CDH1: variants seen among roughly 807,000 people sequenced by gnomAD.
CDH1 encodes cadherin-1.
CDH1 carries 35 observed loss-of-function variants against 84.5 expected under a neutral mutation model. The ratio of observed to expected loss-of-function variants is 0.41; its 90% CI spans 0.32 to 0.55. The LOEUF (loss-of-function observed/expected upper bound fraction) is 0.55, where lower values mean the gene tolerates loss of function less well. Among genes scored for constraint, CDH1 ranks in the 20% least tolerant of loss-of-function variants. CDH1 has a pLI of 0.19. For missense variants in CDH1, 994 were observed against 1,126.6 expected (o/e 0.88, Z 1.68); for synonymous variants, 417 against 439.0 (o/e 0.95, Z 0.63).
At chr16:68,828,996 A>T (rs1236278246) in intron 14 of CDH1, among the ~76,000 whole-genome samples, 1 of 152,098 alleles carries the variant, frequency 6.6e-6, no homozygotes, top group Non-Finnish European at 1.5e-5. Flanking sequence ...TAGTTTGGGG[A>T]TACCACGTAT....
intron 2 of CDH1, among the ~76,000 whole-genome samples, chr16:68,790,999 A>G (rs1463670888): frequency 2.6e-5 from 4 of 152,202 alleles, no homozygotes; most frequent in African/African-American, 9.7e-5. Flanking sequence ...ATGGGGAGGC[A>G]ATGAGGCAAT....
intron 2 of CDH1, among the ~76,000 whole-genome samples, chr16:68,754,368 C>A (rs1309288896): frequency 6.6e-6 from 1 of 151,252 alleles, no homozygotes; most frequent in African/African-American, 2.4e-5. Flanking sequence ...GCTGTGACTG[C>A]CTCCCTGCAC....
At chr16:68,742,850 C>T (rs192263269) in intron 2 of CDH1, among the ~76,000 whole-genome samples, 2 of 152,330 alleles carry the variant, frequency 1.3e-5, no homozygotes, top group Admixed American at 1.3e-4. Flanking sequence ...ATCAGATCCC[C>T]ACCCCCTACC....
At chr16:68,740,007 G>A (rs1567472293) in intron 2 of CDH1, among the ~76,000 whole-genome samples, 1 of 152,170 alleles carries the variant, frequency 6.6e-6, no homozygotes, top group Non-Finnish European at 1.5e-5. Context: ...TTATCGTTGT[G>A]ACAATCTAGA....
intron 11 of CDH1, among the ~76,000 whole-genome samples, chr16:68,820,996 G>GA (rs1272634049): frequency 2.0e-5 from 3 of 152,070 alleles, no homozygotes; most frequent in African/African-American, 7.2e-5. Flanking sequence ...ATTTACATGA[G>GA]AAAAAAGTTT....
intron 2 of CDH1, among the ~76,000 whole-genome samples, chr16:68,757,374 A>G (rs927745950): frequency 6.6e-6 from 1 of 152,060 alleles, no homozygotes; most frequent in Non-Finnish European, 1.5e-5. Context: ...AGCCATGGCA[A>G]CCAGCTGAGT....
At chr16:68,785,260 C>T (rs1005226888) in intron 2 of CDH1, among the ~76,000 whole-genome samples, 22 of 152,132 alleles carry the variant, frequency 1.4e-4, no homozygotes, top group African/African-American at 4.3e-4. Flanking sequence ...GGCGCGATCT[C>T]GGCTCACTGC....
intron 2 of CDH1, among the ~76,000 whole-genome samples, chr16:68,793,882 G>A (rs35794312): frequency 0.27 from 39,364 of 145,338 alleles, 5,374 homozygotes; most frequent in Middle Eastern, 0.33. Context: ...AGTGAACTGA[G>A]ATTGCACCAT....
chr16:68,819,815 C>T (rs547929699), intron 11 of CDH1, among the ~76,000 whole-genome samples: 1 of 152,228 alleles, frequency 6.6e-6, no homozygotes, highest in South Asian at 2.1e-4. Flanking sequence ...ATGTCTGATT[C>T]GTTTCACTTG....
rs1358142199 is a variant in CDH1, at chr16:68,780,451, G to A, written c.164-21219G>A. ...CCCAAGTAGCTGGGATTACAGGTGT[G>A]CACCACCACACCTGGCTAATTTTTG... On this transcript the variant is annotated intron_variant, in intron 2 of 15. Coordinates refer to ENST00000261769, the MANE Select transcript of CDH1 (RefSeq NM_004360.5). 2.6e-5 allele frequency among the ~76,000 whole-genome samples: 4 copies of A among 151,954 alleles called. No individual in the cohort carries two copies. In the East Asian group the frequency reaches 7.7e-4, roughly 29 times the overall value.
Position 68,788,765 on chromosome 16 carries a change from G to A in CDH1, c.164-12905G>A, listed in dbSNP as rs75797376. Among the ~76,000 whole-genome samples, 717 of 152,206 alleles carry A rather than the reference G, an allele frequency of 4.7e-3. 5 individuals carry two copies. Among genetic ancestry groups the A allele is most frequent in the African/African-American group, 0.016 (682 of 41,520 alleles). On this transcript the variant is annotated intron_variant, in intron 2 of 15. Coordinates refer to ENST00000261769, the MANE Select transcript of CDH1 (RefSeq NM_004360.5). ...TGTAATCTCAACACTTTTGGAGGCC[G>A]AGACGGGTGGATCACAAGATCAGGA...
At chr16:68,746,079 A>T (rs1962734318) in intron 2 of CDH1, among the ~76,000 whole-genome samples, 1 of 152,204 alleles carries the variant, frequency 6.6e-6, no homozygotes, top group African/African-American at 2.4e-5. Context: ...AACCTCCCAA[A>T]GTGCTGGGAT....
intron 2 of CDH1, among the ~76,000 whole-genome samples, chr16:68,748,199 G>A (rs1203683326): frequency 7.0e-6 from 1 of 142,386 alleles, no homozygotes; most frequent in African/African-American, 2.7e-5. Flanking sequence ...CGCAACCTCC[G>A]CCTCCCGGGT....
chr16:68,786,526 T>TTTTTTTTA (rs1960050938), intron 2 of CDH1, among the ~76,000 whole-genome samples: 1 of 111,906 alleles, frequency 8.9e-6, no homozygotes, highest in Admixed American at 1.1e-4. Flanking sequence ...CTTTCTTTTT[T>TTTTTTTTA]TTTTTTTCTT....
chr16:68,753,992 G>A (rs1289479976), intron 2 of CDH1, among the ~76,000 whole-genome samples: 1 of 151,622 alleles, frequency 6.6e-6, no homozygotes, highest in Non-Finnish European at 1.5e-5. Context: ...AGTGGCAGGC[G>A]CCTATAGTCC....
intron 2 of CDH1, among the ~76,000 whole-genome samples, chr16:68,786,841 T>A (rs1727950232): frequency 6.6e-6 from 1 of 152,212 alleles, no homozygotes; most frequent in South Asian, 2.1e-4. Flanking sequence ...CTGTGGGAAA[T>A]GCCTCACTTC....
At chr16:68,742,364 C>G (rs1231836020) in intron 2 of CDH1, 3 of 152,586 alleles carry the variant, frequency 2.0e-5, no homozygotes, top group African/African-American at 7.3e-5. Context: ...ACTGCAACCT[C>G]TGCCTCCCAG....
chr16:68,781,950 C>G (rs1333656999), intron 2 of CDH1, among the ~76,000 whole-genome samples: 1 of 152,132 alleles, frequency 6.6e-6, no homozygotes, highest in African/African-American at 2.4e-5. Context: ...GCTAAGGCCT[C>G]AAGGAGGGGG....
chr16:68,770,369 C>T lies in CDH1; in HGVS notation c.164-31301C>T, dbSNP rs191034407. Among the ~76,000 whole-genome samples, 422 of 152,212 alleles carry T rather than the reference C, an allele frequency of 2.8e-3. 2 individuals carry two copies. The highest frequency in any genetic ancestry group is 6.8e-3 in the Middle Eastern group (2 of 294). ...GTCTCTTGTGTCCCATCCCCACTCC[C>T]GGAGCCCAAAGCTCAGTCCGCAGCA... On this transcript the variant is annotated intron_variant, in intron 2 of 15. Coordinates refer to ENST00000261769, the MANE Select transcript of CDH1 (RefSeq NM_004360.5).
Sources: gnomAD v4.1 joint callset for allele counts (sites outside exome capture counted in the v4.1 genomes callset) on GRCh38, gnomAD v4.1.1 for gene constraint, MANE v1.5 for transcripts, NCBI Gene and HGNC (gene_info 2026-07-23, HGNC 2026-07-21) for gene names.